PRDM1: variants seen among roughly 807,000 people sequenced by gnomAD.
PRDM1 encodes PR domain zinc finger protein 1.
In PRDM1, 13 loss-of-function variants were observed where a neutral mutation model predicts 62.8. The ratio of observed to expected loss-of-function variants is 0.21; its 90% CI spans 0.13 to 0.33. The LOEUF is 0.33. Ranked by LOEUF, PRDM1 falls within the 10% of genes least tolerant of loss-of-function variation. The pLI is 1.00. For synonymous variants in PRDM1, 396 were observed against 417.6 expected, an observed-to-expected ratio of 0.95 and a Z score of 0.63; for missense variants, 895 against 1,058.8, an observed-to-expected ratio of 0.85 and a Z score of 2.15.
chr6:106,063,624 T>G (rs1428689913), intron 1 of PRDM1, among the ~76,000 whole-genome samples: 1 of 152,192 alleles, frequency 6.6e-6, no homozygotes, highest in Non-Finnish European at 1.5e-5. Flanking sequence ...CCCAAAATAT[T>G]TATTAGTCAA....
chr6:106,030,878 G>A (rs371841517), intron 1 of PRDM1, among the ~76,000 whole-genome samples: 1 of 151,950 alleles, frequency 6.6e-6, no homozygotes, highest in East Asian at 1.9e-4. Flanking sequence ...ATATTGATCT[G>A]TATATCTGAA....
At chr6:106,066,553 C>A (rs9384595) in intron 1 of PRDM1, among the ~76,000 whole-genome samples, 10,791 of 152,248 alleles carry the variant, frequency 0.071, 534 homozygotes, top group East Asian at 0.16. Context: ...AAGATTCTTG[C>A]ATCCAAATTT....
At chr6:105,996,869 TTGAC>T (rs1193378177) in intron 1 of PRDM1, among the ~76,000 whole-genome samples, 1 of 152,208 alleles carries the variant, frequency 6.6e-6, no homozygotes, top group Admixed American at 6.5e-5. Flanking sequence ...TTCCGCCAAA[TTGAC>T]TGTCTCCTGG....
chr6:106,037,598 A>G (rs1295870934), intron 1 of PRDM1, among the ~76,000 whole-genome samples: 1 of 151,756 alleles, frequency 6.6e-6, no homozygotes, highest in African/African-American at 2.4e-5. Flanking sequence ...CCTATTTTCA[A>G]GTTTGCTGAT....
intron 1 of PRDM1, among the ~76,000 whole-genome samples, chr6:106,052,017 G>C (rs1266541775): frequency 6.6e-6 from 1 of 152,126 alleles, no homozygotes; most frequent in Non-Finnish European, 1.5e-5. Flanking sequence ...AGGTTACCAG[G>C]GACTAGGGGT....
chr6:106,044,194 C>CTTTTTTTTTTTTTTTTTTTT (rs559769433), upstream of PRDM1, among the ~76,000 whole-genome samples: 1 of 128,108 alleles, frequency 7.8e-6, no homozygotes, highest in East Asian at 2.3e-4. Context: ...TTTTTTCTTT[C>CTTTTTTTTTTTTTTTTTTTT]TTTTTTTTTT....
intron 1 of PRDM1, among the ~76,000 whole-genome samples, chr6:106,016,865 G>A (rs1316926295): frequency 6.6e-6 from 1 of 152,054 alleles, no homozygotes. Context: ...CGCTGGCCAC[G>A]ATGGTCTCGA....
chr6:106,086,630 A>G, intron 1 of PRDM1, 35 bp downstream of exon 1: 3 of 1,513,802 alleles, frequency 2.0e-6, no homozygotes, highest in Non-Finnish European at 2.7e-6. Flanking sequence ...TTAATTCTGA[A>G]ATTGATCTGA....
chr6:106,062,933 C>T (rs78095969), intron 1 of PRDM1, among the ~76,000 whole-genome samples: 4,284 of 152,252 alleles, frequency 0.028, 200 homozygotes, highest in African/African-American at 0.097. Context: ...CCCCCAAAAA[C>T]GCCTAAATGA....
At chr6:106,033,454 AT>A (rs1241098342) in intron 1 of PRDM1, among the ~76,000 whole-genome samples, 2 of 151,600 alleles carry the variant, frequency 1.3e-5, no homozygotes, top group Non-Finnish European at 2.9e-5. Flanking sequence ...ACGCCTGGAG[AT>A]TATGTATAAT....
chr6:106,011,954 C>T (rs1162591908), intron 1 of PRDM1, among the ~76,000 whole-genome samples: 3 of 148,348 alleles, frequency 2.0e-5, no homozygotes, highest in Non-Finnish European at 3.0e-5. Flanking sequence ...TCTCACACAC[C>T]ACACTACACA....
At chr6:106,002,384 T>C (rs1021223876) in intron 1 of PRDM1, among the ~76,000 whole-genome samples, 4 of 152,260 alleles carry the variant, frequency 2.6e-5, no homozygotes, top group Non-Finnish European at 2.9e-5. Flanking sequence ...TGGGACATGG[T>C]TAGATAATGG....
chr6:106,087,168 A>T (rs944970070), intron 1 of PRDM1, among the ~76,000 whole-genome samples: 2 of 152,218 alleles, frequency 1.3e-5, no homozygotes, highest in African/African-American at 4.8e-5. Flanking sequence ...GAAGTTGTTT[A>T]CCTTTTTTTG....
At chr6:106,061,029 G>T (rs1262192421) in intron 1 of PRDM1, among the ~76,000 whole-genome samples, 1 of 152,186 alleles carries the variant, frequency 6.6e-6, no homozygotes, top group African/African-American at 2.4e-5. Flanking sequence ...TGATCTGGAA[G>T]CAGTCAGAGA....
chr6:106,043,657 T>C (rs1352699006), upstream of PRDM1, among the ~76,000 whole-genome samples: 1 of 152,142 alleles, frequency 6.6e-6, no homozygotes, highest in Non-Finnish European at 1.5e-5. Context: ...TGCCTCAGCC[T>C]CCCGAGTAGC....
rs1468382290 is a variant in PRDM1 at position 106,109,030 on chromosome 6, T to C, written c.*1544T>C. The C allele has an allele frequency of 4.9e-6, 1 of 204,832 alleles. No homozygotes were observed. Among genetic ancestry groups the C allele is most frequent in the African/African-American group, 2.4e-5 (1 of 42,212 alleles). 12.7% of individuals were successfully genotyped at this position (204,832 alleles called of 1,614,324 possible). On this transcript the variant is annotated 3_prime_UTR_variant, in exon 7 of 7. Coordinates refer to ENST00000369096, the MANE Select transcript of PRDM1 (RefSeq NM_001198.4). ...TTTATACCACTATATCATATGTATA[T>C]ATATTTATAACCACTTAAATTGTGA... is the stretch of plus-strand genomic sequence containing the variant.
At chr6:106,099,244 G>A (rs1774197335) in intron 3 of PRDM1, 56 bp from the exon 4 acceptor site, 2 of 1,610,932 alleles carry the variant, frequency 1.2e-6, no homozygotes, top group Non-Finnish European at 1.7e-6. Flanking sequence ...TCTGAGAGGT[G>A]CTGGGGAGCT....
At chr6:106,079,192 T>C (rs1773652667) in intron 1 of PRDM1, among the ~76,000 whole-genome samples, 1 of 152,022 alleles carries the variant, frequency 6.6e-6, no homozygotes, top group African/African-American at 2.4e-5. Flanking sequence ...CTCAAACTCC[T>C]GACTTCAGGT....
At chr6:105,996,928 A>T (rs1219625217) in intron 1 of PRDM1, among the ~76,000 whole-genome samples, 1 of 152,228 alleles carries the variant, frequency 6.6e-6, no homozygotes, top group Admixed American at 6.5e-5. Flanking sequence ...CATTGAAATA[A>T]ATAAGAAAAC....
Sources: allele counts gnomAD v4.1 joint callset (sites outside exome capture counted in the v4.1 genomes callset), GRCh38; gene constraint gnomAD v4.1.1; transcripts MANE v1.5; gene names NCBI Gene and HGNC (gene_info 2026-07-23, HGNC 2026-07-21).